Variants in PSTK observed in about 807,000 individuals in gnomAD.
PSTK encodes phosphoseryl-tRNA kinase.
In PSTK, 26 loss-of-function variants were observed where a neutral mutation model predicts 38.6. The observed-to-expected ratio is 0.67, with a 90% CI of 0.49 to 0.94. PSTK has a LOEUF of 0.94. PSTK is among the 40% of genes least tolerant of loss of function. The pLI is 0.00. For missense variants in PSTK, 445 were observed against 436.3 expected (o/e 1.02, Z -0.18); for synonymous variants, 181 against 161.7 (o/e 1.12, Z -0.91).
intron 5 of PSTK, chr10:122,987,616 C>T (rs1157772367): frequency 1.3e-5 from 18 of 1,428,522 alleles, no homozygotes; most frequent in Non-Finnish European, 1.1e-5. Flanking sequence ...TATGTGGTAA[C>T]TAGAGTTTTA....
At chr10:122,987,303 T>TCTAC in intron 5 of PSTK, 1 of 1,590,028 alleles carries the variant, frequency 6.3e-7, no homozygotes, top group Non-Finnish European at 8.6e-7. Context: ...GGTAAGGCAG[T>TCTAC]GTAGTGATGG....
chr10:122,984,816 G>C (rs1849013800), intron 3 of PSTK: 1 of 152,194 alleles, frequency 6.6e-6, no homozygotes, highest in African/African-American at 2.4e-5. Flanking sequence ...TCCCAGTTCT[G>C]AACACTTTAT....
intron 5 of PSTK, among the ~76,000 whole-genome samples, chr10:122,987,892 CTG>C (rs1849058555): frequency 6.6e-6 from 1 of 152,170 alleles, no homozygotes; most frequent in African/African-American, 2.4e-5. Context: ...CAGTTCCAGT[CTG>C]TGCTTCCCAT....
chr10:122,980,878 T>C lies in PSTK; in HGVS notation c.216+183T>C, dbSNP rs1055824479. On this transcript the variant is annotated intron_variant, in intron 1 of 5. Transcript: ENST00000406217. The surrounding 1 kb of genome is among the most constrained non-coding windows in gnomAD (Gnocchi z 4.3). ...ATAGTTACTGCAGAGGGTGAATGCG[T>C]TGGCTGTAGAAAGTGGTTACAAAGC... The C allele has an allele frequency of 1.1e-6, 1 of 946,486 alleles. No homozygotes were observed. Among genetic ancestry groups the C allele is most frequent in the African/African-American group, 1.8e-5 (1 of 56,526 alleles). 58.6% of individuals were successfully genotyped at this position (946,486 alleles called of 1,614,324 possible).
rs780621109 is a variant in PSTK at position 122,982,947 on chromosome 10, G to A, written c.431G>A (p.Arg144Lys). Reference protein sequence around the residue: ...CYLLTKTAVSRPLFLVLDDNF... With the variant: ...CYLLTKTAVSKPLFLVLDDNF... ...CTCTTAACAAAAACTGCTGTTTCTA[G>A]ACCTTTGTTTTTGGTTTTGGATGAC... The change falls in exon 2 of 6, where the codon AGA (arginine) becomes AAA (lysine). Residue 144 changes from arginine to lysine, a missense_variant. Transcript: ENST00000406217. The A allele has an allele frequency of 6.2e-7, 1 of 1,614,050 alleles. No individual in the cohort carries two copies. The highest frequency in any genetic ancestry group is 8.5e-7 in the Non-Finnish European group (1 of 1,179,940).
In PSTK at chr10:122,980,585, C is replaced by T. The variant is rs1422591039; in HGVS notation, c.106C>T (p.Arg36Cys). 3.1e-6 allele frequency: 5 copies of T among 1,611,792 alleles called. No homozygotes were observed. Among genetic ancestry groups the T allele is most frequent in the East Asian group, 2.2e-5 (1 of 44,832 alleles). The change falls in exon 1 of 6, where the codon CGC becomes TGC. Residue 36 changes from arginine to cysteine, a missense_variant. By Grantham distance (180) the Arg-to-Cys change is radical (BLOSUM62 -3). Transcript: ENST00000406217. This position sits in a 1 kb window ranked among gnomAD's most constrained non-coding sequence, Gnocchi z 4.3. ...CGCGGCAGGAAAATCGACTTTCGCG[C>T]GCGCCCTCGCCCACCGGCTGCAGCA... ...LPAAGKSTFA[R>C]ALAHRLQQEQ...
intron 3 of PSTK, 36 bp from the exon 4 acceptor site, chr10:122,986,264 A>G: frequency 7.5e-7 from 1 of 1,328,118 alleles, no homozygotes; most frequent in Non-Finnish European, 1.0e-6. Context: ...TGTTGGATAT[A>G]AGGATCTATT....
chr10:122,983,789 T>C (rs1181748648), intron 3 of PSTK: 2 of 283,004 alleles, frequency 7.1e-6, no homozygotes, highest in African/African-American at 2.2e-5. Context: ...AGTTTTCTTA[T>C]AGAAAGAGAT....
At chr10:122,984,975 C>T (rs888651757) in intron 3 of PSTK, 15 of 152,192 alleles carry the variant, frequency 9.9e-5, no homozygotes, top group African/African-American at 2.9e-4. Flanking sequence ...CCAGTGAGAT[C>T]GCACTCACTC....
chr10:122,982,958 T>C lies in PSTK; in HGVS notation c.442T>C (p.Leu148=). The stretch of plus-strand genomic sequence containing the variant: ...AACTGCTGTTTCTAGACCTTTGTTT[T>C]TGGTTTTGGATGACAATTTTTATTA... ...TKTAVSRPLF[L]VLDDNFYYQS... The change falls in exon 2 of 6, where the codon TTG becomes CTG. Residue 148 remains leucine, a synonymous_variant. Transcript: ENST00000406217. 6.2e-7 allele frequency: 1 copy of C among 1,614,220 alleles called. No individual in the cohort carries two copies. Among genetic ancestry groups the C allele is most frequent in the Non-Finnish European group, 8.5e-7 (1 of 1,180,038 alleles).
At position 122,980,762 on chromosome 10, in the gene PSTK, A is replaced by G. The variant is rs1482105321; in HGVS notation, c.216+67A>G. On this transcript the variant is annotated intron_variant, in intron 1 of 5. Coordinates refer to ENST00000406217, the MANE Select transcript of PSTK (RefSeq NM_001363531.2). This position sits in a 1 kb window ranked among gnomAD's most constrained non-coding sequence, Gnocchi z 4.3. ...GGGCGGGGCGGGGCGGGGCGGGGAC[A>G]CTCGCGTCCACGCGGTCCTGGGTGA... 1.8e-5 allele frequency: 20 copies of G among 1,107,432 alleles called. No homozygotes were observed. The highest frequency in any genetic ancestry group is 2.2e-5 in the Non-Finnish European group (19 of 875,834). 68.6% of individuals were successfully genotyped at this position (1,107,432 alleles called of 1,614,324 possible). A position where few individuals can be genotyped will look rare whatever the true frequency, so the allele number is the denominator to read the frequency against.
chr10:122,987,386 G>A (rs1042443470), intron 5 of PSTK: 8 of 1,614,120 alleles, frequency 5.0e-6, no homozygotes, highest in African/African-American at 2.7e-5. Context: ...GGGTAAGAGC[G>A]AACCATGCAG....
At position 122,990,228 on chromosome 10, in the gene PSTK, T is replaced by G. The variant is rs189303862; in HGVS notation, c.932T>G (p.Leu311Arg). Residue 311 changes from leucine (L) to arginine (R), a missense_variant, in exon 6 of 6, where the codon CTC becomes CGC. Physicochemically the swap from Leu to Arg is moderately radical, Grantham distance 102 (BLOSUM62 -2). Coordinates refer to ENST00000406217, the MANE Select transcript of PSTK (RefSeq NM_001363531.2). ...LKLLAEELNK[L>R]KAEFLEDLKQ... ...CTTCTAGCAGAAGAACTTAACAAGCTCAAAGCAGAGTTTTTGGAAGACCTA... is the reference window on the plus strand; with the variant it reads ...CTTCTAGCAGAAGAACTTAACAAGCGCAAAGCAGAGTTTTTGGAAGACCTA... 7.8e-6 allele frequency: 12 copies of G among 1,540,198 alleles called. 1 individual carries two copies. The Admixed American group carries it at 2.5e-4, about 32-fold the overall frequency.
At position 122,986,906 on chromosome 10, in the gene PSTK, AT is replaced by A; in HGVS notation, c.822del (p.His274GlnfsTer15). ...DRIICSTNIL[H>X]KTDQTLRRIV... is the part of the protein sequence containing the mutation. ...ATTATTTGTTCAACTAACATTCTTC[AT>A]AAAACTGATCAGACACTCCGAAGGA... On this transcript the variant is annotated frameshift_variant, in exon 5 of 6. Transcript: ENST00000406217. LOFTEE classifies it high-confidence loss of function. 6.2e-7 allele frequency: 1 copy of A among 1,612,502 alleles called. No homozygotes were observed.
chr10:122,980,723 C>CGGGGCGGG lies in PSTK; in HGVS notation c.216+29_216+30insGGGCGGGG. On this transcript the variant is annotated intron_variant, in intron 1 of 5. Coordinates refer to ENST00000406217, the MANE Select transcript of PSTK (RefSeq NM_001363531.2). The surrounding 1 kb of genome is among the most constrained non-coding windows in gnomAD (Gnocchi z 4.3). ...CAGCACGGAGGGGCGGGGCCTGGGC[C>CGGGGCGGG]GCGGGGCGGGGCGGGGCGGGGCGGG... 1.7e-5 allele frequency: 11 copies of CGGGGCGGG among 660,244 alleles called. No homozygotes were observed. In the East Asian group the frequency reaches 1.4e-3, roughly 82 times the overall value. 40.9% of individuals were successfully genotyped at this position (660,244 alleles called of 1,614,324 possible).
intron 5 of PSTK, 145 bp downstream of exon 5, chr10:122,987,107 A>T: frequency 1.1e-6 from 1 of 882,704 alleles, no homozygotes; most frequent in South Asian, 1.6e-5. Flanking sequence ...GACTAAATGT[A>T]ACTAAAAATT....
At chr10:122,983,129 T>G (rs1589706622) in intron 2 of PSTK, 105 bp downstream of exon 2, 1 of 1,257,748 alleles carries the variant, frequency 8.0e-7, no homozygotes, top group African/African-American at 1.5e-5. Flanking sequence ...TTATGTAGAT[T>G]TACTTAATTT....
At chr10:122,982,512 A>G in intron 1 of PSTK, 1 of 549,870 alleles carries the variant, frequency 1.8e-6, no homozygotes, top group South Asian at 2.3e-5. Flanking sequence ...TGCCTTCTGC[A>G]TGGTTGAGTC....
At chr10:122,987,465 T>C (rs777490110) in intron 5 of PSTK, 4 of 1,613,928 alleles carry the variant, frequency 2.5e-6, no homozygotes, top group East Asian at 4.5e-5. Context: ...CTGGTTGCAG[T>C]GTTGCAGAAT....
Sources: allele counts gnomAD v4.1 joint callset (sites outside exome capture counted in the v4.1 genomes callset), GRCh38; gene constraint gnomAD v4.1.1; non-coding constraint Gnocchi (gnomAD v3.1); transcripts MANE v1.5; gene names NCBI Gene and HGNC (gene_info 2026-07-23, HGNC 2026-07-21).